AP1S3: variants seen among roughly 807,000 people sequenced by gnomAD.
The protein encoded by AP1S3 is AP-1 complex subunit sigma-3.
Under a neutral mutation model 20.9 loss-of-function variants are expected in AP1S3, and 10 were observed. The observed-to-expected ratio is 0.48, with a 90% CI of 0.29 to 0.81. AP1S3 has a LOEUF of 0.81. Among genes scored for constraint, AP1S3 ranks in the 30% least tolerant of loss-of-function variants. AP1S3 has a pLI of 0.08. For missense variants in AP1S3, 154 were observed against 183.8 expected (o/e 0.84, Z 0.94); for synonymous variants, 41 against 61.5 (o/e 0.67, Z 1.56).
chr2:223,804,717 CAAA>C (rs746509169), intron 1 of AP1S3, among the ~76,000 whole-genome samples: 4 of 118,074 alleles, frequency 3.4e-5, no homozygotes, highest in Admixed American at 8.8e-5. Flanking sequence ...GAGACTGTTT[CAAA>C]AAAAAAAAAA....
chr2:223,793,199 T>C (rs1450628190), intron 1 of AP1S3, among the ~76,000 whole-genome samples: 2 of 152,188 alleles, frequency 1.3e-5, no homozygotes, highest in African/African-American at 2.4e-5. Flanking sequence ...AAACGCCAAT[T>C]GACTGAGCAA....
intron 1 of AP1S3, among the ~76,000 whole-genome samples, chr2:223,827,940 T>C (rs1048082064): frequency 6.6e-6 from 1 of 150,998 alleles, no homozygotes; most frequent in African/African-American, 2.4e-5. Context: ...GTGCCTATAA[T>C]CTCAGCTACT....
Position 223,757,867 on chromosome 2 carries a change from G to C in AP1S3, c.*848C>G. The C allele has an allele frequency of 1.0e-6, 1 of 985,032 alleles. No individual in the cohort carries two copies. The highest frequency in any genetic ancestry group is 1.2e-6 in the Non-Finnish European group (1 of 829,640). The allele number at this position is 985,032 out of a possible 1,614,324, so 61.0% of individuals were successfully genotyped here. On this transcript the variant is annotated 3_prime_UTR_variant, in exon 5 of 5. Coordinates refer to ENST00000396654, the MANE Select transcript of AP1S3 (RefSeq NM_001039569.2). ...GAAATGAAATTTCCAGCATCTAAGAGTGCTTGGAACGTGAATTTTAAAAAA... is the reference window on the plus strand; with the variant it reads ...GAAATGAAATTTCCAGCATCTAAGACTGCTTGGAACGTGAATTTTAAAAAA...
intron 1 of AP1S3, among the ~76,000 whole-genome samples, chr2:223,836,578 A>G (rs1692400408): frequency 6.6e-6 from 1 of 152,186 alleles, no homozygotes; most frequent in African/African-American, 2.4e-5. Context: ...CGTCTCTACT[A>G]AAAATACAAA....
chr2:223,774,131 A>G (rs1424915698), intron 3 of AP1S3, among the ~76,000 whole-genome samples: 1 of 152,174 alleles, frequency 6.6e-6, no homozygotes, highest in Non-Finnish European at 1.5e-5. Context: ...TTGGGAGGCC[A>G]AGGCAGGCGG....
At position 223,800,229 on chromosome 2, in the gene AP1S3, A is replaced by G. The variant is rs1160367238; in HGVS notation, c.4-22360T>C. ...GATTGCGTCTAAAAAAAAAAAAAAA[A>G]GAAAAAAAATCAATCAATGTAGTCC... On this transcript the variant is annotated intron_variant, in intron 1 of 4. Coordinates refer to ENST00000396654, the MANE Select transcript of AP1S3 (RefSeq NM_001039569.2). 2.7e-5 allele frequency among the ~76,000 whole-genome samples: 4 copies of G among 148,772 alleles called. No individual in the cohort carries two copies. In the East Asian group the frequency reaches 7.9e-4, roughly 29 times the overall value.
intron 1 of AP1S3, among the ~76,000 whole-genome samples, chr2:223,790,291 G>C (rs1048300814): frequency 2.0e-5 from 3 of 151,400 alleles, no homozygotes; most frequent in South Asian, 2.1e-4. Flanking sequence ...GAGTGCAGTG[G>C]CATGATCTCA....
intron 1 of AP1S3, among the ~76,000 whole-genome samples, chr2:223,784,252 T>G (rs1691022162): frequency 6.6e-6 from 1 of 152,162 alleles, no homozygotes; most frequent in Admixed American, 6.5e-5. Flanking sequence ...CCTTTCCCTT[T>G]GATCCCCCAC....
intron 1 of AP1S3, among the ~76,000 whole-genome samples, chr2:223,828,544 A>G (rs1313989146): frequency 2.0e-5 from 3 of 152,076 alleles, no homozygotes; most frequent in Non-Finnish European, 2.9e-5. Context: ...ACTTCCCAGG[A>G]AATAAAACTG....
intron 4 of AP1S3, among the ~76,000 whole-genome samples, chr2:223,763,878 C>T (rs1690417721): frequency 1.3e-5 from 2 of 152,150 alleles, no homozygotes; most frequent in South Asian, 4.1e-4. Context: ...CACCCTCTTC[C>T]AAATAGCAGG....
intron 1 of AP1S3, among the ~76,000 whole-genome samples, chr2:223,809,189 G>T (rs904839221): frequency 2.0e-5 from 3 of 152,182 alleles, no homozygotes; most frequent in Admixed American, 1.3e-4. Context: ...ACCATGGCCT[G>T]CAAGGCCATA....
At chr2:223,762,673 C>T (rs1483058642) in intron 4 of AP1S3, among the ~76,000 whole-genome samples, 1 of 152,156 alleles carries the variant, frequency 6.6e-6, no homozygotes, top group Non-Finnish European at 1.5e-5. Context: ...CTTTCTTTTC[C>T]TCTTATCAAC....
chr2:223,767,260 T>A (rs1330604673), intron 3 of AP1S3, among the ~76,000 whole-genome samples: 1 of 152,112 alleles, frequency 6.6e-6, no homozygotes, highest in South Asian at 2.1e-4. Context: ...CCACATGTGG[T>A]ACTCTTCACC....
chr2:223,800,230 GAAA>G (rs764048681), intron 1 of AP1S3, among the ~76,000 whole-genome samples: 63 of 143,266 alleles, frequency 4.4e-4, no homozygotes, highest in South Asian at 9.0e-4. Flanking sequence ...AAAAAAAAAA[GAAA>G]AAAAATCAAT....
chr2:223,780,324 G>T lies in AP1S3; in HGVS notation c.4-2455C>A, dbSNP rs1227572167. Among the ~76,000 whole-genome samples, 224 of 96,284 alleles carry T rather than the reference G, an allele frequency of 2.3e-3. 1 individual carries two copies. Among genetic ancestry groups the T allele is most frequent in the African/African-American group, 2.7e-3 (55 of 20,586 alleles). 63.2% of individuals were successfully genotyped at this position (96,284 alleles called of 152,430 possible). The stretch of plus-strand genomic sequence containing the variant: ...ATATATATATAGAGAGAGAGAGAGA[G>T]AGAGAGAGAGAGAGAGAGAGAGAGA... On this transcript the variant is annotated intron_variant, in intron 1 of 4. Coordinates refer to ENST00000396654, the MANE Select transcript of AP1S3 (RefSeq NM_001039569.2).
intron 2 of AP1S3, 64 bp from the exon 3 acceptor site, chr2:223,776,073 TC>T: frequency 7.7e-7 from 1 of 1,297,324 alleles, no homozygotes; most frequent in Non-Finnish European, 1.1e-6. Flanking sequence ...AGACAGTTTT[TC>T]CCACGAATAT....
chr2:223,756,338 G>GGAAGAA lies in AP1S3; in HGVS notation c.*2376_*2377insTTCTTC, dbSNP rs761166178. Reference sequence around the variant, plus strand: ...GGTGACAAGAAGCGAGGAAAGAAAAGAAAGAAAAGAAAAGAAAAGAGAAAA... The same window carrying GGAAGAA: ...GGTGACAAGAAGCGAGGAAAGAAAAGGAAGAAAAAGAAAAGAAAAGAAAAGAGAAAA... On this transcript the variant is annotated 3_prime_UTR_variant, in exon 5 of 5. Coordinates refer to ENST00000396654, the MANE Select transcript of AP1S3 (RefSeq NM_001039569.2). The GGAAGAA allele has an allele frequency of 3.8e-6, 1 of 261,614 alleles. No individual in the cohort carries two copies. Among genetic ancestry groups the GGAAGAA allele is most frequent in the Non-Finnish European group, 5.6e-6 (1 of 177,556 alleles). 16.2% of individuals were successfully genotyped at this position (261,614 alleles called of 1,614,324 possible).
At chr2:223,770,855 G>A (rs990929735) in intron 3 of AP1S3, among the ~76,000 whole-genome samples, 1 of 149,490 alleles carries the variant, frequency 6.7e-6, no homozygotes, top group Non-Finnish European at 1.5e-5. Flanking sequence ...AGCCTCCCAA[G>A]TAGCTGCGAT....
At chr2:223,771,788 A>G (rs1345533337) in intron 3 of AP1S3, among the ~76,000 whole-genome samples, 2 of 152,230 alleles carry the variant, frequency 1.3e-5, no homozygotes, top group East Asian at 1.9e-4. Context: ...ATAGTAAACT[A>G]TATAACTACC....
Sources: allele counts gnomAD v4.1 joint callset (sites outside exome capture counted in the v4.1 genomes callset), GRCh38; gene constraint gnomAD v4.1.1; transcripts MANE v1.5; gene names NCBI Gene and HGNC (gene_info 2026-07-23, HGNC 2026-07-21).